JMJD1C: variants seen among roughly 807,000 people sequenced by gnomAD.
JMJD1C encodes the protein jumonji domain-containing protein 1C.
A neutral mutation model predicts 245.3 loss-of-function variants in JMJD1C; 31 were observed. The observed-to-expected ratio is 0.13, with a 90% CI of 0.09 to 0.17. JMJD1C has a LOEUF of 0.17. Ranked by LOEUF, JMJD1C falls within the 10% of genes least tolerant of loss-of-function variation. JMJD1C has a pLI of 1.00. For synonymous variants in JMJD1C, 1,057 were observed against 1,017.4 expected (o/e 1.04, Z -0.74); for missense variants, 2,691 against 3,000.2 (o/e 0.90, Z 2.41).
intron 2 of JMJD1C, among the ~76,000 whole-genome samples, chr10:63,266,511 T>C (rs1855589853): frequency 6.6e-6 from 1 of 152,142 alleles, no homozygotes; most frequent in Admixed American, 6.6e-5. Flanking sequence ...ATGAAATATG[T>C]AACATAAACA....
chr10:63,286,360 T>TA (rs1253122219), intron 2 of JMJD1C, among the ~76,000 whole-genome samples: 2 of 152,214 alleles, frequency 1.3e-5, no homozygotes, highest in Non-Finnish European at 2.9e-5. Context: ...CTCTCTGGGT[T>TA]AGTTCTGAGG....
chr10:63,442,848 T>G (rs1246817167), intron 1 of JMJD1C, among the ~76,000 whole-genome samples: 9 of 127,174 alleles, frequency 7.1e-5, no homozygotes, highest in South Asian at 2.3e-4. Context: ...AAGTATTGAG[T>G]TTTTTTTCCT....
At chr10:63,243,756 T>A (rs1017997881) in intron 3 of JMJD1C, among the ~76,000 whole-genome samples, 1 of 152,092 alleles carries the variant, frequency 6.6e-6, no homozygotes, top group African/African-American at 2.4e-5. Flanking sequence ...GCTGAGATTA[T>A]CACCAATAAC....
chr10:63,285,281 C>A (rs545643754), intron 2 of JMJD1C, among the ~76,000 whole-genome samples: 2 of 152,278 alleles, frequency 1.3e-5, no homozygotes, highest in South Asian at 4.2e-4. Flanking sequence ...AGGAGCAGAA[C>A]CTGAATGTCA....
intron 18 of JMJD1C, among the ~76,000 whole-genome samples, chr10:63,188,545 C>T (rs989373657): frequency 6.6e-6 from 1 of 152,112 alleles, no homozygotes; most frequent in African/African-American, 2.4e-5. Context: ...TAAACATTTT[C>T]CAGAAAACAA....
chr10:63,363,968 G>A (rs1334288043), intron 2 of JMJD1C, among the ~76,000 whole-genome samples: 1 of 150,074 alleles, frequency 6.7e-6, no homozygotes. Flanking sequence ...CAATTCTCTT[G>A]CCTCAGCCTC....
chr10:63,374,510 C>T (rs1946565060), intron 2 of JMJD1C, among the ~76,000 whole-genome samples: 1 of 152,152 alleles, frequency 6.6e-6, no homozygotes, highest in African/African-American at 2.4e-5. Context: ...GTCAGTACAA[C>T]CTTTACACAA....
At chr10:63,193,848 A>G (rs982944409) in intron 14 of JMJD1C, among the ~76,000 whole-genome samples, 3 of 152,064 alleles carry the variant, frequency 2.0e-5, no homozygotes, top group Non-Finnish European at 4.4e-5. Context: ...TTGTATTTTT[A>G]GTAGAAACGG....
chr10:63,184,811 CA>C, intron 20 of JMJD1C, 73 bp from the exon 21 acceptor site: 1 of 1,415,616 alleles, frequency 7.1e-7, no homozygotes, highest in South Asian at 1.4e-5. Flanking sequence ...ATATAATTTT[CA>C]AGTTGTTCAA....
chr10:63,248,529 G>GATAGATAGATAGATAA (rs566828473), intron 3 of JMJD1C, among the ~76,000 whole-genome samples: 1,581 of 137,014 alleles, frequency 0.012, 12 homozygotes, highest in African/African-American at 0.028. Context: ...TCAATAGATA[G>GATAGATAGATAGATAA]ATAAATAAAT....
intron 2 of JMJD1C, among the ~76,000 whole-genome samples, chr10:63,290,134 T>C (rs1032222682): frequency 2.0e-4 from 30 of 151,926 alleles, no homozygotes; most frequent in African/African-American, 6.8e-4. Flanking sequence ...CTTTTATAAC[T>C]GAAAAAAACA....
intron 2 of JMJD1C, among the ~76,000 whole-genome samples, chr10:63,306,485 T>C (rs911387628): frequency 1.3e-5 from 2 of 152,212 alleles, no homozygotes; most frequent in Admixed American, 6.5e-5. Flanking sequence ...TTTTGAAGGC[T>C]AGAAGTCTAA....
In JMJD1C at chr10:63,465,848, C is replaced by A; in HGVS notation, c.-186G>T. ...AGCGACCTCGGGCCCTCCCCGCAAACACTCCTTTGGACTCCCAGATTCGCA... is the reference window on the plus strand; with the variant it reads ...AGCGACCTCGGGCCCTCCCCGCAAAAACTCCTTTGGACTCCCAGATTCGCA... On this transcript the variant is annotated 5_prime_UTR_variant, in exon 1 of 26. Coordinates refer to ENST00000399262, the MANE Select transcript of JMJD1C (RefSeq NM_032776.3). 1 of 719,460 alleles carries A rather than the reference C, an allele frequency of 1.4e-6. No individual in the cohort carries two copies. 44.6% of individuals were successfully genotyped at this position (719,460 alleles called of 1,614,324 possible).
chr10:63,504,548 T>C (rs940480040), intron 1 of JMJD1C, among the ~76,000 whole-genome samples: 1 of 152,052 alleles, frequency 6.6e-6, no homozygotes, highest in Non-Finnish European at 1.5e-5. Context: ...GACTGAAGCT[T>C]AGTGGGCCAG....
chr10:63,280,694 T>C (rs1246374533), intron 2 of JMJD1C, among the ~76,000 whole-genome samples: 1 of 152,238 alleles, frequency 6.6e-6, no homozygotes, highest in African/African-American at 2.4e-5. Context: ...ATCTACTTAG[T>C]GTTTAAGAGC....
At chr10:63,432,850 T>C (rs1157812426) in intron 1 of JMJD1C, among the ~76,000 whole-genome samples, 1 of 152,186 alleles carries the variant, frequency 6.6e-6, no homozygotes, top group Non-Finnish European at 1.5e-5. Context: ...ATTCACCGAC[T>C]GAATACCTAA....
At chr10:63,297,674 A>G (rs1859606980) in intron 2 of JMJD1C, among the ~76,000 whole-genome samples, 2 of 152,084 alleles carry the variant, frequency 1.3e-5, no homozygotes, top group African/African-American at 4.8e-5. Flanking sequence ...CCGTAACACT[A>G]CAGCCCTCCT....
At chr10:63,415,449 A>G (rs1213976522) in intron 1 of JMJD1C, among the ~76,000 whole-genome samples, 1 of 152,222 alleles carries the variant, frequency 6.6e-6, no homozygotes, top group African/African-American at 2.4e-5. Flanking sequence ...CACTTGTAAT[A>G]TAACTGGTAT....
chr10:63,330,209 C>T (rs761701704), intron 2 of JMJD1C, among the ~76,000 whole-genome samples: 8 of 152,064 alleles, frequency 5.3e-5, no homozygotes, highest in African/African-American at 1.7e-4. Context: ...GCCCTAAGCA[C>T]GTTTAAAGGT....
Sources: allele counts gnomAD v4.1 joint callset (sites outside exome capture counted in the v4.1 genomes callset), GRCh38; gene constraint gnomAD v4.1.1; transcripts MANE v1.5; gene names NCBI Gene and HGNC (gene_info 2026-07-23, HGNC 2026-07-21).